KLHL7: variants seen among roughly 807,000 people sequenced by gnomAD.
KLHL7 encodes the protein kelch like family member 7.
In KLHL7, 44 loss-of-function variants were observed where a neutral mutation model predicts 67.4. That is an observed-to-expected ratio of 0.65 (90% CI 0.51 to 0.84). The LOEUF is 0.84. Among genes scored for constraint, KLHL7 ranks in the 40% least tolerant of loss-of-function variants. The pLI, the probability that KLHL7 is intolerant of heterozygous loss-of-function variation, is 0.00. For synonymous variants in KLHL7, 252 were observed against 243.3 expected, an observed-to-expected ratio of 1.04 and a Z score of -0.33; for missense variants, 362 against 718.1, an observed-to-expected ratio of 0.50 and a Z score of 5.67.
chr7:23,172,446 T>G (rs1266364821), intron 9 of KLHL7, among the ~76,000 whole-genome samples: 2 of 151,904 alleles, frequency 1.3e-5, no homozygotes, highest in Non-Finnish European at 2.9e-5. Flanking sequence ...GATGGACATG[T>G]GAATAGTAAC....
intron 1 of KLHL7, among the ~76,000 whole-genome samples, chr7:23,107,561 G>C (rs1167766903): frequency 6.6e-6 from 1 of 152,206 alleles, no homozygotes; most frequent in Non-Finnish European, 1.5e-5. Context: ...GAGGAGCAGA[G>C]GATTATCTGA....
Position 23,116,041 on chromosome 7 carries a change from T to G in KLHL7, c.121-7736T>G, listed in dbSNP as rs531692010. On this transcript the variant is annotated intron_variant, in intron 1 of 10. Transcript: ENST00000339077. The stretch of plus-strand genomic sequence containing the variant: ...TTGAGTTCTATCTAATGACAAAGCC[T>G]TCTCTCATTTTTGAGAGGAGAGTGA... Among the ~76,000 whole-genome samples the G allele has an allele frequency of 2.0e-4, 31 of 152,336 alleles. No homozygotes were observed. In the South Asian group the frequency reaches 2.7e-3, roughly 13 times the overall value.
Position 23,174,721 on chromosome 7 carries a change from T to G in KLHL7, c.*423T>G. 2.2e-6 allele frequency: 1 copy of G among 455,356 alleles called. No homozygotes were observed. Among genetic ancestry groups the G allele is most frequent in the South Asian group, 1.6e-5 (1 of 64,488 alleles). The allele number at this position is 455,356 out of a possible 1,614,324, so 28.2% of individuals were successfully genotyped here. A position where few individuals can be genotyped will look rare whatever the true frequency, so the allele number is the denominator to read the frequency against. On this transcript the variant is annotated 3_prime_UTR_variant, in exon 11 of 11. Coordinates refer to ENST00000339077, the MANE Select transcript of KLHL7 (RefSeq NM_001031710.3). ...TCAAGAACTAAGAAATAGTATGAATTGTAAGTCAAGATGGGCAACTCAGAT... is the reference window on the plus strand; with the variant it reads ...TCAAGAACTAAGAAATAGTATGAATGGTAAGTCAAGATGGGCAACTCAGAT...
At chr7:23,171,621 A>T (rs1785163245) in intron 9 of KLHL7, among the ~76,000 whole-genome samples, 2 of 152,260 alleles carry the variant, frequency 1.3e-5, no homozygotes, top group African/African-American at 4.8e-5. Flanking sequence ...CATTTTTAAA[A>T]CAATACATAA....
At chr7:23,123,030 G>A (rs542973020) in intron 1 of KLHL7, among the ~76,000 whole-genome samples, 1 of 152,192 alleles carries the variant, frequency 6.6e-6, no homozygotes, top group Admixed American at 6.5e-5. Context: ...TCATTTATAA[G>A]TGTTCTAGTA....
intron 8 of KLHL7, among the ~76,000 whole-genome samples, chr7:23,166,459 T>A (rs1355456653): frequency 4.6e-5 from 7 of 152,166 alleles, no homozygotes; most frequent in Non-Finnish European, 7.4e-5. Context: ...GGATAGTGTG[T>A]TAGTGTCCAG....
At position 23,163,071 on chromosome 7, in the gene KLHL7, T is replaced by G. The variant is rs371040148; in HGVS notation, c.937-2627T>G. Among the ~76,000 whole-genome samples the G allele has an allele frequency of 5.3e-5, 8 of 152,330 alleles. No individual in the cohort carries two copies. In the East Asian group the frequency reaches 1.5e-3, roughly 29 times the overall value. ...TGTTTTCAGAATACATTATATAAAATCAGTCCTTACTTTGAAGGAAAATAT... is the reference window on the plus strand; with the variant it reads ...TGTTTTCAGAATACATTATATAAAAGCAGTCCTTACTTTGAAGGAAAATAT... On this transcript the variant is annotated intron_variant, in intron 7 of 10. Coordinates refer to ENST00000339077, the MANE Select transcript of KLHL7 (RefSeq NM_001031710.3).
At chr7:23,152,432 C>G (rs1784565905) in intron 7 of KLHL7, among the ~76,000 whole-genome samples, 1 of 152,154 alleles carries the variant, frequency 6.6e-6, no homozygotes, top group Non-Finnish European at 1.5e-5. Flanking sequence ...GTGGTAACCA[C>G]TGTCAAAGAA....
At chr7:23,109,390 G>C (rs1782773721) in intron 1 of KLHL7, among the ~76,000 whole-genome samples, 1 of 152,238 alleles carries the variant, frequency 6.6e-6, no homozygotes, top group African/African-American at 2.4e-5. Flanking sequence ...GCACATTGCT[G>C]TTGCCATACT....
rs1785300306 is a variant in KLHL7 at position 23,176,696 on chromosome 7, G to T, written c.*2398G>T. 1 of 148,960 alleles carries T rather than the reference G, an allele frequency of 6.7e-6. No individual in the cohort carries two copies. The allele number at this position is 148,960 out of a possible 1,614,324, so 9.2% of individuals were successfully genotyped here. ...CATTAAAAAAAAAAAAAAAAAAGCT[G>T]GGCGCTGTGTCTCACGCCCTTAATC... is the stretch of plus-strand genomic sequence containing the variant. On this transcript the variant is annotated 3_prime_UTR_variant, in exon 11 of 11. Coordinates refer to ENST00000339077, the MANE Select transcript of KLHL7 (RefSeq NM_001031710.3).
At chr7:23,127,553 C>A (rs1446401147) in intron 4 of KLHL7, among the ~76,000 whole-genome samples, 1 of 152,098 alleles carries the variant, frequency 6.6e-6, no homozygotes, top group African/African-American at 2.4e-5. Context: ...TTTTCACCAC[C>A]TGTCAATTCT....
intron 7 of KLHL7, among the ~76,000 whole-genome samples, chr7:23,153,218 AGGC>A (rs199537089): frequency 2.7e-4 from 31 of 115,334 alleles, no homozygotes; most frequent in South Asian, 7.0e-4. Flanking sequence ...ACAATTCCTG[AGGC>A]GGCGGGGGGG....
chr7:23,122,374 C>T (rs1783388806), intron 1 of KLHL7, among the ~76,000 whole-genome samples: 1 of 152,056 alleles, frequency 6.6e-6, no homozygotes, highest in Admixed American at 6.6e-5. Flanking sequence ...CCTTCTCTCC[C>T]TCCTTTGACC....
At chr7:23,159,265 G>A (rs1784791420) in intron 7 of KLHL7, among the ~76,000 whole-genome samples, 1 of 152,086 alleles carries the variant, frequency 6.6e-6, no homozygotes, top group South Asian at 2.1e-4. Flanking sequence ...CTGGCCTCAA[G>A]TGATTCTCCC....
rs1158870264 is a variant in KLHL7 at position 23,140,890 on chromosome 7, G to A, written c.564G>A (p.Lys188=). ...KTDEFLQLDV[K]RVTHLLNQDT... is the part of the protein sequence containing the mutation. ...ATGAATTTCTTCAACTTGATGTCAA[G>A]CGAGTAACACATCTTCTCAACCAGG... Residue 188 remains lysine, a synonymous_variant, in exon 5 of 11, where the codon AAG becomes AAA. Transcript: ENST00000339077. 1.9e-6 allele frequency: 3 copies of A among 1,614,046 alleles called. No individual in the cohort carries two copies. The highest frequency in any genetic ancestry group is 2.5e-6 in the Non-Finnish European group (3 of 1,179,990).
At chr7:23,123,514 G>A (rs1278409828) in intron 1 of KLHL7, among the ~76,000 whole-genome samples, 2 of 151,318 alleles carry the variant, frequency 1.3e-5, no homozygotes, top group Non-Finnish European at 1.5e-5. Flanking sequence ...CTTCTCTGAA[G>A]GGTTAGTAGA....
chr7:23,150,453 C>G (rs1441525053), intron 6 of KLHL7, among the ~76,000 whole-genome samples: 1 of 152,130 alleles, frequency 6.6e-6, no homozygotes, highest in Non-Finnish European at 1.5e-5. Flanking sequence ...GTAGTGCACT[C>G]TGCGTACTGT....
chr7:23,172,880 C>T, intron 9 of KLHL7, 68 bp from the exon 10 acceptor site: 1 of 1,081,660 alleles, frequency 9.2e-7, no homozygotes, highest in Non-Finnish European at 1.4e-6. Flanking sequence ...GAATAATAGA[C>T]CTTTCTCATT....
rs1388474084 is a variant in KLHL7, at chr7:23,174,480, T to TA, written c.*183dup. 1 of 723,298 alleles carries TA rather than the reference T, an allele frequency of 1.4e-6. No individual in the cohort carries two copies. The highest frequency in any genetic ancestry group is 2.0e-5 in the Admixed American group (1 of 49,876). 44.8% of individuals were successfully genotyped at this position (723,298 alleles called of 1,614,324 possible). A position where few individuals can be genotyped will look rare whatever the true frequency, so the allele number is the denominator to read the frequency against. On this transcript the variant is annotated 3_prime_UTR_variant, in exon 11 of 11. Transcript: ENST00000339077. Reference sequence around the variant, plus strand: ...TTTCCTTAATTCAAAGATCATATTTTAGCTGGCCACAAAACCAAGAACATA... The same window carrying TA: ...TTTCCTTAATTCAAAGATCATATTTTAAGCTGGCCACAAAACCAAGAACATA...
Sources: allele counts gnomAD v4.1 joint callset (sites outside exome capture counted in the v4.1 genomes callset), GRCh38; gene constraint gnomAD v4.1.1; transcripts MANE v1.5; gene names NCBI Gene and HGNC (gene_info 2026-07-23, HGNC 2026-07-21).